Variants in SCG3 observed in about 807,000 individuals in gnomAD.
SCG3 encodes the protein secretogranin-3.
In SCG3, 38 loss-of-function variants were observed where a neutral mutation model predicts 56.2. The observed-to-expected ratio is 0.68, with a 90% CI of 0.52 to 0.89. The LOEUF is 0.89. SCG3 is among the 40% of genes least tolerant of loss of function. The probability of loss-of-function intolerance (pLI) is 0.00; values close to 1 mark genes in which losing one functional copy is unlikely to be tolerated. For synonymous variants in SCG3, 176 were observed against 184.2 expected (o/e 0.96, Z 0.36); for missense variants, 524 against 540.7 (o/e 0.97, Z 0.31).
intron 10 of SCG3, among the ~76,000 whole-genome samples, chr15:51,710,750 TAA>T (rs1418424907): frequency 2.9e-5 from 2 of 69,830 alleles, no homozygotes; most frequent in African/African-American, 4.8e-5. Flanking sequence ...CATGCCTGGC[TAA>T]TTTTTTTTTT....
At chr15:51,700,967 G>A in intron 9 of SCG3, 140 bp from the exon 10 acceptor site, 1 of 1,056,128 alleles carries the variant, frequency 9.5e-7, no homozygotes, top group Non-Finnish European at 1.4e-6. Context: ...GGTTGGATTA[G>A]ATAAGCACTA....
intron 8 of SCG3, among the ~76,000 whole-genome samples, chr15:51,698,953 C>A (rs779375056): frequency 6.6e-6 from 1 of 152,134 alleles, no homozygotes; most frequent in Non-Finnish European, 1.5e-5. Flanking sequence ...GAGAGTGAGC[C>A]AGGGTTAGGT....
rs953808738 is a variant in SCG3, at chr15:51,688,308, A to T, written c.446A>T (p.Glu149Val). The change falls in exon 5 of 12, where the codon GAA (glutamate) becomes GTA (valine). Residue 149 changes from glutamate (E) to valine (V), a missense_variant. Transcript: ENST00000220478. Reference sequence around the variant, plus strand: ...CTAGACGGGACTCCTTTAACCGCTGAAGACATTGTCCATAAAATCGCTGCC... The same window carrying T: ...CTAGACGGGACTCCTTTAACCGCTGTAGACATTGTCCATAAAATCGCTGCC... The part of the protein sequence containing the change: ...HQLDGTPLTA[E>V]DIVHKIAARI... 5 of 1,613,836 alleles carry T rather than the reference A, an allele frequency of 3.1e-6. No individual in the cohort carries two copies. Among genetic ancestry groups the T allele is most frequent in the Non-Finnish European group, 4.2e-6 (5 of 1,179,866 alleles).
intron 10 of SCG3, among the ~76,000 whole-genome samples, chr15:51,708,674 T>C (rs536843107): frequency 6.6e-6 from 1 of 152,210 alleles, no homozygotes; most frequent in South Asian, 2.1e-4. Context: ...GCTAACATGG[T>C]GAAACCCCGT....
intron 8 of SCG3, 66 bp downstream of exon 8, chr15:51,696,057 G>C (rs918215317): frequency 1.0e-5 from 9 of 879,680 alleles, no homozygotes; most frequent in Non-Finnish European, 1.7e-5. Flanking sequence ...TTAGGGACTT[G>C]GCAATAATGA....
At chr15:51,709,697 A>T (rs1274164271) in intron 10 of SCG3, among the ~76,000 whole-genome samples, 760 of 13,836 alleles carry the variant, frequency 0.055, 13 homozygotes, top group Middle Eastern at 0.21. Flanking sequence ...ATATATATAT[A>T]TATATTTTTT....
rs1439029056 is a variant in SCG3 at position 51,713,317 on chromosome 15, C to A, written c.1208-16C>A. On this transcript the variant is annotated splice_polypyrimidine_tract_variant and intron_variant, in intron 10 of 11. Transcript: ENST00000220478. Reference sequence around the variant, plus strand: ...TATTTCCTGAGTGTTTGATATAGTTCTCTTACCTCTTCCAGGAAAAACAGA... The same window carrying A: ...TATTTCCTGAGTGTTTGATATAGTTATCTTACCTCTTCCAGGAAAAACAGA... 4.5e-6 allele frequency: 7 copies of A among 1,546,558 alleles called. No individual in the cohort carries two copies. The highest frequency in any genetic ancestry group is 5.3e-6 in the Non-Finnish European group (6 of 1,127,856).
chr15:51,703,244 A>G (rs2055350217), intron 10 of SCG3, among the ~76,000 whole-genome samples: 1 of 152,182 alleles, frequency 6.6e-6, no homozygotes, highest in Admixed American at 6.5e-5. Flanking sequence ...CCCACCCAGT[A>G]TCTCCTGCTC....
chr15:51,717,367 CA>C lies in SCG3; in HGVS notation c.1289-2025del, dbSNP rs142033310. ...TGGGCAACGGTGCAAGACTCCGTCT[CA>C]AAAAAAAAAAAAAAATTAGCCAGGT... On this transcript the variant is annotated intron_variant, in intron 11 of 11. Transcript: ENST00000220478. Among the ~76,000 whole-genome samples, 381 of 125,574 alleles carry C rather than the reference CA, an allele frequency of 3.0e-3. 1 individual carries two copies. Among genetic ancestry groups the C allele is most frequent in the South Asian group, 0.013 (50 of 3,858 alleles). 82.4% of individuals were successfully genotyped at this position (125,574 alleles called of 152,430 possible). A position where few individuals can be genotyped will look rare whatever the true frequency, so the allele number is the denominator to read the frequency against.
At chr15:51,703,022 G>A (rs2055349015) in intron 10 of SCG3, among the ~76,000 whole-genome samples, 1 of 152,062 alleles carries the variant, frequency 6.6e-6, no homozygotes, top group Non-Finnish European at 1.5e-5. Context: ...CTTGGGTGGG[G>A]GGTGGTGGAG....
intron 11 of SCG3, among the ~76,000 whole-genome samples, chr15:51,715,427 G>T (rs754138131): frequency 2.0e-5 from 3 of 152,040 alleles, no homozygotes; most frequent in Non-Finnish European, 4.4e-5. Flanking sequence ...TATTAGTTCT[G>T]ACCTTTCTTA....
chr15:51,694,066 T>A (rs575025735), intron 7 of SCG3: 1 of 152,362 alleles, frequency 6.6e-6, no homozygotes, highest in South Asian at 2.1e-4. Flanking sequence ...AAAATTCTAC[T>A]GTATAAAATG....
intron 8 of SCG3, among the ~76,000 whole-genome samples, chr15:51,696,472 G>C (rs1450794016): frequency 6.6e-6 from 1 of 152,026 alleles, no homozygotes; most frequent in Non-Finnish European, 1.5e-5. Flanking sequence ...ATCACTTTGG[G>C]CCCAGGAGGC....
chr15:51,684,880 A>C (rs60337239), intron 4 of SCG3, among the ~76,000 whole-genome samples: 3,230 of 152,270 alleles, frequency 0.021, 90 homozygotes, highest in East Asian at 0.095. Flanking sequence ...ATGAATGAAC[A>C]AATGAAATAA....
At position 51,701,236 on chromosome 15, in the gene SCG3, A is replaced by C; in HGVS notation, c.1199A>C (p.Glu400Ala). 6.3e-7 allele frequency: 1 copy of C among 1,596,286 alleles called. No homozygotes were observed. The highest frequency in any genetic ancestry group is 8.5e-7 in the Non-Finnish European group (1 of 1,173,632). ...TCCAACCCAGGAGGAAAGACAGATG[A>C]ACCCAAAGGTATGGGATTGACAGCT... The part of the protein sequence containing the change: ...DNSNPGGKTD[E>A]PKGKTEAYLE... The change falls in exon 10 of 12, where the codon GAA (glutamate) becomes GCA (alanine). Residue 400 changes from glutamate (E) to alanine (A), a missense_variant. By Grantham distance (107) the Glu-to-Ala change is moderately radical (BLOSUM62 -1). Transcript: ENST00000220478.
At chr15:51,692,008 A>G in intron 6 of SCG3, 151 bp from the exon 7 acceptor site, 1 of 633,358 alleles carries the variant, frequency 1.6e-6, no homozygotes, top group South Asian at 2.5e-5. Context: ...GAGCACACAT[A>G]TCTAGAAATG....
Position 51,718,171 on chromosome 15 carries a change from A to G in SCG3, c.1289-1237A>G, listed in dbSNP as rs528878702. On this transcript the variant is annotated intron_variant, in intron 11 of 11. Coordinates refer to ENST00000220478, the MANE Select transcript of SCG3 (RefSeq NM_013243.4). ...GACGAAAACCTATATAGATAGTTAG[A>G]TGATGGATGGATGGATAGATAGATA... 2.0e-5 allele frequency among the ~76,000 whole-genome samples: 3 copies of G among 146,454 alleles called. No homozygotes were observed. In the East Asian group the frequency reaches 5.9e-4, roughly 29 times the overall value.
At chr15:51,698,821 T>C (rs988738439) in intron 8 of SCG3, among the ~76,000 whole-genome samples, 2 of 152,202 alleles carry the variant, frequency 1.3e-5, no homozygotes, top group Non-Finnish European at 2.9e-5. Context: ...CCAGTGGTCC[T>C]ACCATTGAGT....
Position 51,701,166 on chromosome 15 carries a change from GA to G in SCG3, c.1133del (p.Lys378ArgfsTer6). The part of the protein sequence containing the change: ...DSTKEEAAKM[E>X]KEYGSLKDST... Reference sequence around the variant, plus strand: ...TACCAAGGAAGAAGCAGCTAAGATGGAAAAGGAATATGGAAGCTTGAAGGAT... The same window carrying G: ...TACCAAGGAAGAAGCAGCTAAGATGGAAAGGAATATGGAAGCTTGAAGGAT... On this transcript the variant is annotated frameshift_variant, in exon 10 of 12. Transcript: ENST00000220478. LOFTEE classifies it high-confidence loss of function. 6.2e-7 allele frequency: 1 copy of G among 1,613,740 alleles called. No individual in the cohort carries two copies. Among genetic ancestry groups the G allele is most frequent in the Admixed American group, 1.7e-5 (1 of 59,964 alleles).
Sources: gnomAD v4.1 joint callset for allele counts (sites outside exome capture counted in the v4.1 genomes callset) on GRCh38, gnomAD v4.1.1 for gene constraint, MANE v1.5 for transcripts, NCBI Gene and HGNC (gene_info 2026-07-23, HGNC 2026-07-21) for gene names.